Variants in ADAMTS17 observed in about 807,000 individuals in gnomAD.
The protein encoded by ADAMTS17 is A disintegrin and metalloproteinase with thrombospondin motifs 17.
In ADAMTS17, 113 loss-of-function variants were observed where a neutral mutation model predicts 141.5. The observed-to-expected ratio is 0.80, with a 90% CI of 0.69 to 0.93. The LOEUF (loss-of-function observed/expected upper bound fraction) is 0.93. ADAMTS17 is among the 40% of genes least tolerant of loss of function. The pLI is 0.00. For synonymous variants in ADAMTS17, 768 were observed against 630.6 expected (o/e 1.22, Z -3.27); for missense variants, 1,659 against 1,517.9 (o/e 1.09, Z -1.54).
chr15:100,209,266 T>A (rs1330178172), intron 7 of ADAMTS17, among the ~76,000 whole-genome samples: 1 of 151,858 alleles, frequency 6.6e-6, no homozygotes, highest in African/African-American at 2.4e-5. Context: ...GTAAGCTCTT[T>A]CAATCTACAC....
intron 4 of ADAMTS17, among the ~76,000 whole-genome samples, chr15:100,278,473 T>A (rs766830540): frequency 5.3e-5 from 8 of 152,134 alleles, no homozygotes; most frequent in Non-Finnish European, 8.8e-5. Context: ...GGAAAGCAGA[T>A]CCCTGGCCCA....
intron 8 of ADAMTS17, among the ~76,000 whole-genome samples, chr15:100,176,451 AT>A (rs2040342535): frequency 6.6e-6 from 1 of 152,228 alleles, no homozygotes; most frequent in East Asian, 1.9e-4. Context: ...GGACATCTGG[AT>A]TTTTTAAAGA....
At chr15:100,288,094 G>C (rs915103666) in intron 3 of ADAMTS17, among the ~76,000 whole-genome samples, 1 of 152,198 alleles carries the variant, frequency 6.6e-6, no homozygotes, top group Admixed American at 6.5e-5. Flanking sequence ...AGAAACAACT[G>C]TATGCTGTCT....
chr15:100,263,124 C>T (rs2043589117), intron 4 of ADAMTS17, among the ~76,000 whole-genome samples: 1 of 152,164 alleles, frequency 6.6e-6, no homozygotes, highest in African/African-American at 2.4e-5. Context: ...AGGTTGAAAA[C>T]TTCCATTCTG....
intron 7 of ADAMTS17, among the ~76,000 whole-genome samples, chr15:100,216,030 A>G (rs971293741): frequency 1.3e-5 from 2 of 152,118 alleles, no homozygotes; most frequent in African/African-American, 4.8e-5. Flanking sequence ...GCAGAGTCTG[A>G]GCGGGGTGAG....
intron 12 of ADAMTS17, among the ~76,000 whole-genome samples, chr15:100,127,649 G>A (rs573788329): frequency 6.6e-6 from 1 of 152,150 alleles, no homozygotes. Flanking sequence ...TGGTGTGATC[G>A]CAGCTCACTG....
At chr15:100,334,157 T>C (rs530178065) in intron 2 of ADAMTS17, among the ~76,000 whole-genome samples, 1 of 152,330 alleles carries the variant, frequency 6.6e-6, no homozygotes, top group South Asian at 2.1e-4. Flanking sequence ...CACCACCTCG[T>C]GCCTGAAGCA....
In ADAMTS17 at chr15:99,974,525, C is replaced by T. The variant is rs141373128; in HGVS notation, c.3165G>A (p.Thr1055=). The change falls in exon 22 of 22, where the codon ACG becomes ACA. Residue 1055 remains threonine, a synonymous_variant. Transcript: ENST00000268070. The part of the protein sequence containing the change: ...LTYKCTRDQW[T]VYCRVIREKN... ...TTTCTCGGATGACCCGGCAATATACCGTCCACTGGTCTCGTGTGCATTTGT... is the reference window on the plus strand; with the variant it reads ...TTTCTCGGATGACCCGGCAATATACTGTCCACTGGTCTCGTGTGCATTTGT... 8.9e-5 allele frequency: 143 copies of T among 1,614,128 alleles called. No individual in the cohort carries two copies. The highest frequency in any genetic ancestry group is 6.7e-4 in the Admixed American group (40 of 60,006).
chr15:100,177,155 C>T (rs759486725), intron 8 of ADAMTS17, among the ~76,000 whole-genome samples: 21 of 152,334 alleles, frequency 1.4e-4, no homozygotes, highest in African/African-American at 4.1e-4. Context: ...CTGGGCCATA[C>T]GTTAAGTTTT....
chr15:100,263,947 A>G (rs2043620274), intron 4 of ADAMTS17, among the ~76,000 whole-genome samples: 1 of 152,234 alleles, frequency 6.6e-6, no homozygotes, highest in East Asian at 1.9e-4. Flanking sequence ...GGCTGCACCC[A>G]GCCCACAAGC....
At chr15:100,127,186 G>A (rs922415541) in intron 12 of ADAMTS17, among the ~76,000 whole-genome samples, 1 of 152,136 alleles carries the variant, frequency 6.6e-6, no homozygotes, top group East Asian at 1.9e-4. Context: ...TAGTCCACTC[G>A]GAACCTGCAA....
chr15:100,034,786 T>C (rs185710814), intron 18 of ADAMTS17, among the ~76,000 whole-genome samples: 2 of 152,318 alleles, frequency 1.3e-5, no homozygotes, highest in Admixed American at 1.3e-4. Context: ...GTTCTCCTTA[T>C]TCCTCCAGCA....
At chr15:100,030,580 C>T (rs1251545445) in intron 18 of ADAMTS17, among the ~76,000 whole-genome samples, 1 of 152,138 alleles carries the variant, frequency 6.6e-6, no homozygotes, top group Non-Finnish European at 1.5e-5. Context: ...CTGAGACCCT[C>T]CCATGATCCT....
intron 8 of ADAMTS17, among the ~76,000 whole-genome samples, chr15:100,156,520 C>T (rs576396452): frequency 6.6e-6 from 1 of 152,186 alleles, no homozygotes; most frequent in Non-Finnish European, 1.5e-5. Context: ...CATGTGACTT[C>T]CCCCGTCAGT....
At chr15:100,102,407 ATTTGAGGG>A (rs2036161931) in intron 14 of ADAMTS17, among the ~76,000 whole-genome samples, 1 of 95,718 alleles carries the variant, frequency 1.0e-5, no homozygotes, top group Admixed American at 1.1e-4. Context: ...GGGGATCTAC[ATTTGAGGG>A]CCGACCGAAG....
At chr15:100,240,092 A>G (rs536130216) in intron 7 of ADAMTS17, among the ~76,000 whole-genome samples, 11 of 152,142 alleles carry the variant, frequency 7.2e-5, no homozygotes, top group South Asian at 2.1e-4. Context: ...GGGGGATCCA[A>G]TCATCACTGT....
chr15:100,029,004 C>T (rs535830892), intron 18 of ADAMTS17, among the ~76,000 whole-genome samples: 4 of 152,366 alleles, frequency 2.6e-5, no homozygotes, highest in South Asian at 4.1e-4. Context: ...GCGGACATCT[C>T]GCTGTCTGGC....
intron 15 of ADAMTS17, among the ~76,000 whole-genome samples, chr15:100,062,852 T>C (rs576310324): frequency 1.1e-4 from 17 of 152,024 alleles, no homozygotes; most frequent in East Asian, 7.7e-4. Flanking sequence ...GACAGGAACA[T>C]GGGATTAAAG....
At chr15:100,217,516 T>G (rs2042006156) in intron 7 of ADAMTS17, among the ~76,000 whole-genome samples, 1 of 152,076 alleles carries the variant, frequency 6.6e-6, no homozygotes, top group Admixed American at 6.6e-5. Context: ...GGAGAATCGC[T>G]TGAATCCGGG....
Sources: allele counts gnomAD v4.1 joint callset (sites outside exome capture counted in the v4.1 genomes callset), GRCh38; gene constraint gnomAD v4.1.1; transcripts MANE v1.5; gene names NCBI Gene and HGNC (gene_info 2026-07-23, HGNC 2026-07-21).